Variants in SLC22A23 observed in about 807,000 individuals in gnomAD.
The protein encoded by SLC22A23 is ion transporter protein.
SLC22A23 carries 26 observed loss-of-function variants against 61.0 expected under a neutral mutation model. The ratio of observed to expected loss-of-function variants is 0.43; its 90% CI spans 0.31 to 0.59. The LOEUF is 0.59. SLC22A23 is among the 20% of genes least tolerant of loss of function. The probability of loss-of-function intolerance (pLI) is 0.11; values close to 1 mark genes in which losing one functional copy is unlikely to be tolerated. For missense variants in SLC22A23, 796 were observed against 934.7 expected (o/e 0.85, Z 1.94); for synonymous variants, 430 against 413.9 (o/e 1.04, Z -0.47).
chr6:3,283,927 ACGATGGAAAACG>A lies in SLC22A23; in HGVS notation c.1616_1627del (p.Ala539_Ile542del). ...CACCGCATGGGAGGCAAACATGCCCACGATGGAAAACGCGATGGAAAATTTGTCCTTGACGCT... is the reference window on the plus strand; with the variant it reads ...CACCGCATGGGAGGCAAACATGCCCACGATGGAAAATTTGTCCTTGACGCT... On this transcript the variant is annotated inframe_deletion, in exon 9 of 10. Coordinates refer to ENST00000406686, the MANE Select transcript of SLC22A23 (RefSeq NM_015482.2). 1.2e-6 allele frequency: 2 copies of A among 1,609,382 alleles called. No homozygotes were observed. Among genetic ancestry groups the A allele is most frequent in the Non-Finnish European group, 1.7e-6 (2 of 1,176,032 alleles).
intron 1 of SLC22A23, chr6:3,438,354 C>G (rs149814427): frequency 1.0e-4 from 37 of 362,162 alleles, no homozygotes; most frequent in African/African-American, 6.8e-4. Context: ...GCCGGCAAAG[C>G]CACGAGGTGC....
intron 1 of SLC22A23, chr6:3,444,740 C>T: frequency 1.1e-6 from 1 of 946,838 alleles, no homozygotes; most frequent in Non-Finnish European, 1.3e-6. Flanking sequence ...AACTTAGACA[C>T]ATAAACCCTG....
chr6:3,456,527 G>A lies in SLC22A23; in HGVS notation c.33C>T (p.Gly11=), dbSNP rs1190325110. Residue 11 remains glycine (G), a synonymous_variant, in exon 1 of 10, where the codon GGC becomes GGT. Coordinates refer to ENST00000406686, the MANE Select transcript of SLC22A23 (RefSeq NM_015482.2). The surrounding 1 kb of genome is among the most constrained non-coding windows in gnomAD (Gnocchi z 7.1). ...GGGCCGGCTGCCGCCCAGGCCCGCC[G>A]CCCGCCGCCTCGCGCCGCCGGTCTA... MAIDRRREAA[G]GGPGRQPAPA... is the part of the protein sequence containing the mutation. 7.0e-5 allele frequency: 69 copies of A among 989,602 alleles called. No individual in the cohort carries two copies. Among genetic ancestry groups the A allele is most frequent in the Non-Finnish European group, 7.7e-5 (64 of 834,878 alleles). 61.3% of individuals were successfully genotyped at this position (989,602 alleles called of 1,614,324 possible). A position where few individuals can be genotyped will look rare whatever the true frequency, so the allele number is the denominator to read the frequency against.
rs939861354 is a variant in SLC22A23 at position 3,324,059 on chromosome 6, T to C, written c.914-57A>G. On this transcript the variant is annotated intron_variant, in intron 3 of 9. Transcript: ENST00000406686. This position sits in a 1 kb window ranked among gnomAD's most constrained non-coding sequence, Gnocchi z 4.3. ...GTGCCCTGCTCGACAGCCCGAGAAG[T>C]CCTGGGTGCACCTGGGCCAGTGCAC... 4 of 1,588,120 alleles carry C rather than the reference T, an allele frequency of 2.5e-6. No individual in the cohort carries two copies. The highest frequency in any genetic ancestry group is 3.4e-6 in the Non-Finnish European group (4 of 1,162,410).
intron 5 of SLC22A23, chr6:3,291,102 C>T (rs9378356): frequency 0.36 from 54,191 of 152,022 alleles, 15,858 homozygotes; most frequent in African/African-American, 0.8. Context: ...CTTTTAGTTT[C>T]GACAACAGTA....
chr6:3,361,232 T>C (rs1225330819), intron 3 of SLC22A23, among the ~76,000 whole-genome samples: 2 of 150,688 alleles, frequency 1.3e-5, no homozygotes, highest in Admixed American at 6.6e-5. Flanking sequence ...CGTGCTTCAA[T>C]AAGAGGGACA....
At chr6:3,389,681 T>C (rs1224893584) in intron 3 of SLC22A23, among the ~76,000 whole-genome samples, 8 of 152,170 alleles carry the variant, frequency 5.3e-5, no homozygotes, top group African/African-American at 1.9e-4. Context: ...CTCAGGGTGG[T>C]GGAATCACTC....
intron 2 of SLC22A23, among the ~76,000 whole-genome samples, chr6:3,411,113 G>A (rs1221898565): frequency 6.6e-6 from 1 of 152,194 alleles, no homozygotes; most frequent in African/African-American, 2.4e-5. Flanking sequence ...GAGTGCCTGG[G>A]AGGACAGTAG....
At chr6:3,383,958 C>T (rs185259609) in intron 3 of SLC22A23, among the ~76,000 whole-genome samples, 226 of 152,304 alleles carry the variant, frequency 1.5e-3, no homozygotes, top group African/African-American at 5.0e-3. Context: ...GCAACATCAG[C>T]TTCCTCTGGT....
At chr6:3,320,494 C>T (rs1300107357) in intron 4 of SLC22A23, among the ~76,000 whole-genome samples, 1 of 152,180 alleles carries the variant, frequency 6.6e-6, no homozygotes, top group African/African-American at 2.4e-5. Flanking sequence ...CGCTGCTGGG[C>T]ACCCTGGTGC....
intron 3 of SLC22A23, among the ~76,000 whole-genome samples, chr6:3,394,425 G>T (rs1014579642): frequency 6.6e-6 from 1 of 152,216 alleles, no homozygotes; most frequent in Non-Finnish European, 1.5e-5. Flanking sequence ...CATCTTTTCA[G>T]TGGCAAAACT....
rs1450049897 is a variant in SLC22A23, at chr6:3,273,232, C to G, written c.1884G>C (p.Glu628Asp). Residue 628 changes from glutamate (E) to aspartate (D), a missense_variant, in exon 10 of 10, where the codon GAG becomes GAC. Glu to Asp is a conservative substitution (Grantham distance 45, BLOSUM62 2). Transcript: ENST00000406686. ...LPESRDQNLP[E>D]NISNGEHYTR... ...TGTAGTGCTCCCCGTTAGAAATGTTCTCAGGCAGGTTCTGGTCCCTGCTCT... is the reference window on the plus strand; with the variant it reads ...TGTAGTGCTCCCCGTTAGAAATGTTGTCAGGCAGGTTCTGGTCCCTGCTCT... The G allele has an allele frequency of 9.3e-6, 15 of 1,612,860 alleles. No homozygotes were observed. The highest frequency in any genetic ancestry group is 1.3e-5 in the Non-Finnish European group (15 of 1,179,146).
chr6:3,379,974 T>TGC (rs989857581), intron 3 of SLC22A23, among the ~76,000 whole-genome samples: 30 of 152,158 alleles, frequency 2.0e-4, no homozygotes, highest in African/African-American at 7.0e-4. Context: ...TGTGTGTGTG[T>TGC]GTGCACGTGC....
intron 8 of SLC22A23, 127 bp from the exon 9 acceptor site, chr6:3,284,102 T>G: frequency 6.4e-6 from 6 of 936,380 alleles, no homozygotes; most frequent in East Asian, 2.8e-5. Context: ...GGGTATGCAA[T>G]TCCCTCTGGG....
chr6:3,444,757 G>A (rs187551258), intron 1 of SLC22A23: 2 of 972,756 alleles, frequency 2.1e-6, no homozygotes, highest in East Asian at 1.1e-4. Flanking sequence ...CCTGTAGAGG[G>A]TGCTTTTTGG....
chr6:3,285,524 T>C (rs1759908116), intron 7 of SLC22A23, among the ~76,000 whole-genome samples: 1 of 151,698 alleles, frequency 6.6e-6, no homozygotes, highest in Non-Finnish European at 1.5e-5. Context: ...CGCCTGGGGC[T>C]CCTGTGCATT....
chr6:3,421,941 A>G (rs1235005783), intron 1 of SLC22A23, among the ~76,000 whole-genome samples: 1 of 152,224 alleles, frequency 6.6e-6, no homozygotes, highest in Non-Finnish European at 1.5e-5. Flanking sequence ...ACTAAAGCGA[A>G]AAGTGTTTTT....
intron 4 of SLC22A23, among the ~76,000 whole-genome samples, chr6:3,305,372 G>A (rs930250726): frequency 2.0e-5 from 3 of 152,220 alleles, no homozygotes; most frequent in Non-Finnish European, 2.9e-5. Context: ...AAGTTGGGAA[G>A]CAGTGTTCCA....
intron 3 of SLC22A23, among the ~76,000 whole-genome samples, chr6:3,380,533 C>G (rs1307313709): frequency 6.6e-6 from 1 of 152,074 alleles, no homozygotes; most frequent in Non-Finnish European, 1.5e-5. Flanking sequence ...GTACAAAGTC[C>G]TGTGAAACCG....
Sources: allele counts gnomAD v4.1 joint callset (sites outside exome capture counted in the v4.1 genomes callset), GRCh38; gene constraint gnomAD v4.1.1; non-coding constraint Gnocchi (gnomAD v3.1); transcripts MANE v1.5; gene names NCBI Gene and HGNC (gene_info 2026-07-23, HGNC 2026-07-21).